GRK5: variants seen among roughly 807,000 people sequenced by gnomAD.
The protein encoded by GRK5 is g protein-coupled receptor kinase GRK5.
GRK5 carries 40 observed loss-of-function variants against 78.4 expected under a neutral mutation model. The ratio of observed to expected loss-of-function variants is 0.51; its 90% CI spans 0.40 to 0.66. The LOEUF is 0.66. Ranked by LOEUF, GRK5 falls within the 30% of genes least tolerant of loss-of-function variation. GRK5 has a pLI of 0.00. For missense variants in GRK5, 598 were observed against 759.9 expected, an observed-to-expected ratio of 0.79 and a Z score of 2.50; for synonymous variants, 289 against 296.8, an observed-to-expected ratio of 0.97 and a Z score of 0.27.
chr10:119,212,821 C>T (rs1462371438), intron 1 of GRK5: 1 of 152,206 alleles, frequency 6.6e-6, no homozygotes, highest in Non-Finnish European at 1.5e-5. Context: ...ATACAGCCCT[C>T]AGCACCCATT....
In GRK5 at chr10:119,455,329, A is replaced by AAGAGGCGGGCTCTG; in HGVS notation, c.*262_*263insAGAGGCGGGCTCTG. 1.5e-6 allele frequency: 1 copy of AAGAGGCGGGCTCTG among 660,636 alleles called. No individual in the cohort carries two copies. The highest frequency in any genetic ancestry group is 2.8e-6 in the Non-Finnish European group (1 of 361,154). 40.9% of individuals were successfully genotyped at this position (660,636 alleles called of 1,614,324 possible). A position where few individuals can be genotyped will look rare whatever the true frequency, so the allele number is the denominator to read the frequency against. ...TGCAATAGAAATCCAATTGGATACG[A>AAGAGGCGGGCTCTG]CAACTTGCACGTATTTTAATAGCGT... On this transcript the variant is annotated 3_prime_UTR_variant, in exon 16 of 16. Transcript: ENST00000392870.
chr10:119,389,801 A>AACACACACACACAC (rs66652162), intron 3 of GRK5, among the ~76,000 whole-genome samples: 1 of 149,758 alleles, frequency 6.7e-6, no homozygotes, highest in African/African-American at 2.4e-5. Flanking sequence ...GATCATGAGC[A>AACACACACACACAC]ACACACACAC....
Position 119,430,277 on chromosome 10 carries a change from A to G in GRK5, c.534-98A>G. ...CTGGGGCTGCTGTGGGGCTCCTGGA[A>G]TTATACCCCACCCCAGCTGCTCTCA... On this transcript the variant is annotated intron_variant, in intron 6 of 15. Coordinates refer to ENST00000392870, the MANE Select transcript of GRK5 (RefSeq NM_005308.3). This position sits in a 1 kb window ranked among gnomAD's most constrained non-coding sequence, Gnocchi z 4.5. 9.5e-7 allele frequency: 1 copy of G among 1,055,322 alleles called. No individual in the cohort carries two copies. Among genetic ancestry groups the G allele is most frequent in the Non-Finnish European group, 1.5e-6 (1 of 681,592 alleles). The allele number at this position is 1,055,322 out of a possible 1,614,324, so 65.4% of individuals were successfully genotyped here.
intron 2 of GRK5, among the ~76,000 whole-genome samples, chr10:119,348,814 G>A (rs961246790): frequency 5.9e-5 from 9 of 152,180 alleles, no homozygotes; most frequent in Admixed American, 2.0e-4. Context: ...GGAGGCCAGC[G>A]CTGTTGCTTT....
chr10:119,278,217 T>TGGCCCTGAGC (rs1399311558), intron 1 of GRK5, among the ~76,000 whole-genome samples: 1 of 152,184 alleles, frequency 6.6e-6, no homozygotes. Context: ...GACGGTCTAA[T>TGGCCCTGAGC]GGCCCTGAGC....
At chr10:119,222,667 A>C (rs146444456) in intron 1 of GRK5, among the ~76,000 whole-genome samples, 2 of 151,830 alleles carry the variant, frequency 1.3e-5, no homozygotes, top group African/African-American at 4.8e-5. Flanking sequence ...CACGGCCTTC[A>C]GTAATTTTGT....
At chr10:119,359,761 T>C (rs291976) in intron 2 of GRK5, among the ~76,000 whole-genome samples, 152,244 of 152,330 alleles carry the variant, frequency 1, 76,079 homozygotes, top group Non-Finnish European at 1. Context: ...GGAATGTGCA[T>C]TGCCACACTT....
Position 119,253,847 on chromosome 10 carries a change from G to GGT in GRK5, c.52+45903_52+45904dup, listed in dbSNP as rs58171371. ...GTTCCTGGTGGTTCTTTGCCCCAGG[G>GGT]GTGTGTGTGTGTGTGTGTGTGTGTG... On this transcript the variant is annotated intron_variant, in intron 1 of 15. Transcript: ENST00000392870. This position sits in a 1 kb window ranked among gnomAD's most constrained non-coding sequence, Gnocchi z 5.7. Among the ~76,000 whole-genome samples, 1,685 of 150,364 alleles carry GGT rather than the reference G, an allele frequency of 0.011. 22 individuals carry two copies. Among genetic ancestry groups the GGT allele is most frequent in the East Asian group, 0.05 (256 of 5,098 alleles).
intron 14 of GRK5, 144 bp from the exon 15 acceptor site, chr10:119,453,001 G>T (rs1226371548): frequency 3.5e-6 from 3 of 860,218 alleles, no homozygotes; most frequent in Non-Finnish European, 5.7e-6. Context: ...TCATTGACGG[G>T]GAGCCTCGCC....
chr10:119,394,364 G>A lies in GRK5; in HGVS notation c.262-2331G>A, dbSNP rs1421716837. On this transcript the variant is annotated intron_variant, in intron 3 of 15. Coordinates refer to ENST00000392870, the MANE Select transcript of GRK5 (RefSeq NM_005308.3). ...TGTGTGGGCATGTGGGTGTGTGGGTGTGTGTGGGTGTCGGTGTGTGTATCT... is the reference window on the plus strand; with the variant it reads ...TGTGTGGGCATGTGGGTGTGTGGGTATGTGTGGGTGTCGGTGTGTGTATCT... Among the ~76,000 whole-genome samples, 234 of 106,248 alleles carry A rather than the reference G, an allele frequency of 2.2e-3. 42 individuals are homozygous for A. The highest frequency in any genetic ancestry group is 0.02 in the Middle Eastern group (4 of 204). 69.7% of individuals were successfully genotyped at this position (106,248 alleles called of 152,430 possible). A position where few individuals can be genotyped will look rare whatever the true frequency, so the allele number is the denominator to read the frequency against.
intron 15 of GRK5, 67 bp downstream of exon 15, chr10:119,453,343 A>G: frequency 3.8e-6 from 6 of 1,579,348 alleles, no homozygotes; most frequent in East Asian, 2.2e-5. Flanking sequence ...TCCATGGGAA[A>G]CGAGAAGACC....
intron 1 of GRK5, among the ~76,000 whole-genome samples, chr10:119,289,983 G>A (rs936749007): frequency 1.3e-5 from 2 of 152,150 alleles, no homozygotes; most frequent in African/African-American, 4.8e-5. Flanking sequence ...GTGGCTACTT[G>A]CAAGGAGCAG....
At chr10:119,283,499 C>A (rs1401527040) in intron 1 of GRK5, among the ~76,000 whole-genome samples, 2 of 152,224 alleles carry the variant, frequency 1.3e-5, no homozygotes, top group African/African-American at 4.8e-5. Context: ...CATACACGTT[C>A]CTGAGGCCTT....
chr10:119,368,402 T>C (rs1002329509), intron 2 of GRK5, among the ~76,000 whole-genome samples: 1 of 151,718 alleles, frequency 6.6e-6, no homozygotes. Context: ...GGCAGCTGGG[T>C]GGGTTTAAAG....
In GRK5 at chr10:119,452,084, G is replaced by A. The variant is rs1020556385; in HGVS notation, c.1405-587G>A. Among the ~76,000 whole-genome samples the A allele has an allele frequency of 1.3e-5, 2 of 152,200 alleles. No individual in the cohort carries two copies. Among genetic ancestry groups the A allele is most frequent in the African/African-American group, 4.8e-5 (2 of 41,456 alleles). On this transcript the variant is annotated intron_variant, in intron 13 of 15. Coordinates refer to ENST00000392870, the MANE Select transcript of GRK5 (RefSeq NM_005308.3). This position sits in a 1 kb window ranked among gnomAD's most constrained non-coding sequence, Gnocchi z 4.4. Reference sequence around the variant, plus strand: ...GCAGGCCCCCAGTGCACAGCTGAGGGACGAGTAAGGCAAAAGATATGCCTA... The same window carrying A: ...GCAGGCCCCCAGTGCACAGCTGAGGAACGAGTAAGGCAAAAGATATGCCTA...
intron 2 of GRK5, among the ~76,000 whole-genome samples, chr10:119,355,478 C>A (rs1230477048): frequency 6.6e-6 from 1 of 152,172 alleles, no homozygotes; most frequent in African/African-American, 2.4e-5. Flanking sequence ...AAAGGTATAA[C>A]CCACATAAAT....
At chr10:119,219,089 G>A (rs909023745) in intron 1 of GRK5, among the ~76,000 whole-genome samples, 11 of 151,932 alleles carry the variant, frequency 7.2e-5, no homozygotes, top group Admixed American at 1.3e-4. Context: ...GGGTTTCACC[G>A]TGTTAGCCAG....
rs1479321925 is a variant in GRK5, at chr10:119,425,103, C to T, written c.533+18C>T. The T allele has an allele frequency of 6.5e-7, 1 of 1,536,250 alleles. No individual in the cohort carries two copies. The highest frequency in any genetic ancestry group is 1.4e-5 in the African/African-American group (1 of 73,430). On this transcript the variant is annotated intron_variant, in intron 6 of 15. Coordinates refer to ENST00000392870, the MANE Select transcript of GRK5 (RefSeq NM_005308.3). ...TTGGAAAGGTGAGTCCACCACACCC[C>T]ATACAGATCAGGGAGGCAGAGGGTA...
In GRK5 at chr10:119,431,669, A is replaced by G. The variant is rs2133895719; in HGVS notation, c.738+142A>G. On this transcript the variant is annotated intron_variant, in intron 8 of 15. Coordinates refer to ENST00000392870, the MANE Select transcript of GRK5 (RefSeq NM_005308.3). This position sits in a 1 kb window ranked among gnomAD's most constrained non-coding sequence, Gnocchi z 4.8. Reference sequence around the variant, plus strand: ...GCCAGTGGCAGCGCTGAGCTACAGAAAGGCCGCAAGACATTCCTCCATCAC... The same window carrying G: ...GCCAGTGGCAGCGCTGAGCTACAGAGAGGCCGCAAGACATTCCTCCATCAC... The G allele has an allele frequency of 1.0e-6, 1 of 999,460 alleles. No homozygotes were observed. 61.9% of individuals were successfully genotyped at this position (999,460 alleles called of 1,614,324 possible).
Sources: gnomAD v4.1 joint callset for allele counts (sites outside exome capture counted in the v4.1 genomes callset) on GRCh38, gnomAD v4.1.1 for gene constraint, Gnocchi (gnomAD v3.1) non-coding constraint, MANE v1.5 for transcripts, NCBI Gene and HGNC (gene_info 2026-07-23, HGNC 2026-07-21) for gene names.